SLC39A11: variants seen among roughly 807,000 people sequenced by gnomAD.
SLC39A11 encodes the protein zinc transporter ZIP11.
A neutral mutation model predicts 36.1 loss-of-function variants in SLC39A11; 33 were observed. The observed-to-expected ratio is 0.91, with a 90% confidence interval of 0.69 to 1.22. The LOEUF (loss-of-function observed/expected upper bound fraction) is 1.22. Ranked by LOEUF, SLC39A11 falls within the 50% of genes most tolerant of loss-of-function variation. The probability of loss-of-function intolerance (pLI) is 0.00; values close to 1 mark genes in which losing one functional copy is unlikely to be tolerated. For missense variants in SLC39A11, 432 were observed against 430.3 expected (o/e 1.00, Z -0.03); for synonymous variants, 166 against 170.3 (o/e 0.97, Z 0.20).
chr17:72,878,070 T>C (rs1288098106), intron 5 of SLC39A11, among the ~76,000 whole-genome samples: 1 of 148,946 alleles, frequency 6.7e-6, no homozygotes, highest in Non-Finnish European at 1.5e-5. Flanking sequence ...ACACGCGGTG[T>C]TTGGTTTTTT....
chr17:72,782,048 C>T (rs562033313), intron 6 of SLC39A11, among the ~76,000 whole-genome samples: 53 of 152,138 alleles, frequency 3.5e-4, no homozygotes, highest in African/African-American at 2.7e-4. Context: ...TGGAAAAGGG[C>T]GCCTGGCAGA....
intron 4 of SLC39A11, among the ~76,000 whole-genome samples, chr17:73,001,120 CTCTAAGTT>C (rs1331423711): frequency 6.6e-6 from 1 of 152,130 alleles, no homozygotes; most frequent in Non-Finnish European, 1.5e-5. Context: ...AAGGGCCCTT[CTCTAAGTT>C]TCTAAGTTTT....
At chr17:72,676,556 G>A (rs1051610101) in intron 7 of SLC39A11, among the ~76,000 whole-genome samples, 5 of 152,170 alleles carry the variant, frequency 3.3e-5, no homozygotes, top group Non-Finnish European at 5.9e-5. Context: ...TGCAGAAAGA[G>A]TAAACATAGC....
chr17:72,760,084 T>C lies in SLC39A11; in HGVS notation c.602-23365A>G, dbSNP rs755998960. Among the ~76,000 whole-genome samples the C allele has an allele frequency of 4.6e-5, 7 of 152,238 alleles. No individual in the cohort carries two copies. In the South Asian group the frequency reaches 1.2e-3, roughly 27 times the overall value. On this transcript the variant is annotated intron_variant, in intron 6 of 9. Transcript: ENST00000255559. ...CTCTGTCACCAAAGCTGGAGTGCAG[T>C]GGTGCAATCTCGGCTCACTGCAACC...
In SLC39A11 at chr17:72,769,129, T is replaced by C. The variant is rs140119231; in HGVS notation, c.602-32410A>G. On this transcript the variant is annotated intron_variant, in intron 6 of 9. Coordinates refer to ENST00000255559, the MANE Select transcript of SLC39A11 (RefSeq NM_139177.4). ...GGCCACCCTTCTCTGCTCACCACCCTCTCACAATGGCCTGGAGTTCACTCT... is the reference window on the plus strand; with the variant it reads ...GGCCACCCTTCTCTGCTCACCACCCCCTCACAATGGCCTGGAGTTCACTCT... 6.3e-3 allele frequency among the ~76,000 whole-genome samples: 954 copies of C among 152,216 alleles called. 8 individuals are homozygous for C. Among genetic ancestry groups the C allele is most frequent in the Non-Finnish European group, 0.01 (698 of 68,006 alleles).
At position 72,686,714 on chromosome 17, in the gene SLC39A11, G is replaced by A. The variant is rs565578571; in HGVS notation, c.672-37446C>T. Among the ~76,000 whole-genome samples, 514 of 152,296 alleles carry A rather than the reference G, an allele frequency of 3.4e-3. 3 individuals are homozygous for A. Among genetic ancestry groups the A allele is most frequent in the African/African-American group, 0.012 (491 of 41,550 alleles). On this transcript the variant is annotated intron_variant, in intron 7 of 9. Transcript: ENST00000255559. ...TCCACAGGCAGGAATCAGGGCATAT[G>A]TTCAAGTTTATAAGGGGCCTATGAA...
At chr17:72,967,201 C>A (rs1294346527) in intron 4 of SLC39A11, among the ~76,000 whole-genome samples, 1 of 152,108 alleles carries the variant, frequency 6.6e-6, no homozygotes, top group Non-Finnish European at 1.5e-5. Context: ...GTGTAATATG[C>A]TTGAATCATC....
At chr17:73,038,491 G>C (rs1246997548) in intron 3 of SLC39A11, among the ~76,000 whole-genome samples, 2 of 149,940 alleles carry the variant, frequency 1.3e-5, no homozygotes, top group Non-Finnish European at 3.0e-5. Context: ...CTGAGGTCAG[G>C]AGTTCAAGAC....
chr17:73,036,026 G>A (rs929938955), intron 3 of SLC39A11, among the ~76,000 whole-genome samples: 41 of 152,140 alleles, frequency 2.7e-4, no homozygotes, highest in African/African-American at 9.9e-4. Flanking sequence ...CCAAGATGCT[G>A]AGAAGGCAGG....
intron 4 of SLC39A11, among the ~76,000 whole-genome samples, chr17:72,998,045 C>T (rs150953620): frequency 1.3e-5 from 2 of 152,286 alleles, no homozygotes; most frequent in African/African-American, 4.8e-5. Context: ...AAAATAAATT[C>T]ATGCCAGTTT....
At chr17:72,794,461 C>T (rs930188676) in intron 6 of SLC39A11, among the ~76,000 whole-genome samples, 3 of 152,028 alleles carry the variant, frequency 2.0e-5, no homozygotes, top group Admixed American at 2.0e-4. Flanking sequence ...CTGAAGCCTT[C>T]GTTTCTTCTC....
intron 7 of SLC39A11, among the ~76,000 whole-genome samples, chr17:72,698,884 G>A (rs561502697): frequency 6.6e-6 from 1 of 152,146 alleles, no homozygotes; most frequent in Admixed American, 6.5e-5. Context: ...AGGCTGGAGT[G>A]CAGTGGCGTG....
At chr17:72,866,212 C>T (rs192635624) in intron 5 of SLC39A11, among the ~76,000 whole-genome samples, 47 of 152,272 alleles carry the variant, frequency 3.1e-4, no homozygotes, top group African/African-American at 1.0e-3. Flanking sequence ...CACAGGACCA[C>T]GAACCATATT....
At chr17:72,951,955 C>T (rs974741418) in intron 4 of SLC39A11, among the ~76,000 whole-genome samples, 12 of 152,168 alleles carry the variant, frequency 7.9e-5, no homozygotes, top group South Asian at 4.2e-4. Context: ...TCGGCGTTTT[C>T]GGGGCAGGGA....
At chr17:73,019,830 C>G (rs547055551) in intron 4 of SLC39A11, among the ~76,000 whole-genome samples, 1 of 151,966 alleles carries the variant, frequency 6.6e-6, no homozygotes, top group East Asian at 1.9e-4. Context: ...GACGGAGATC[C>G]TTGGACTAGA....
At chr17:72,739,090 T>C (rs112415363) in intron 6 of SLC39A11, among the ~76,000 whole-genome samples, 12,817 of 151,954 alleles carry the variant, frequency 0.084, 718 homozygotes, top group African/African-American at 0.15. Context: ...CCTGATGGGA[T>C]AGCTGTGATC....
chr17:72,994,714 G>A (rs1395219491), intron 4 of SLC39A11, among the ~76,000 whole-genome samples: 2 of 152,114 alleles, frequency 1.3e-5, no homozygotes, highest in Non-Finnish European at 2.9e-5. Context: ...CTGAGGATAT[G>A]GCCTGACCCG....
chr17:72,785,650 G>T (rs898290895), intron 6 of SLC39A11, among the ~76,000 whole-genome samples: 1 of 152,202 alleles, frequency 6.6e-6, no homozygotes, highest in Non-Finnish European at 1.5e-5. Context: ...AGGGAAGGTG[G>T]AAGGGCTTTA....
intron 6 of SLC39A11, among the ~76,000 whole-genome samples, chr17:72,772,817 C>T (rs1207827902): frequency 2.0e-5 from 3 of 152,190 alleles, no homozygotes; most frequent in Admixed American, 6.5e-5. Flanking sequence ...GGCGCAGTGG[C>T]TCACGCCTGT....
Sources: allele counts gnomAD v4.1 joint callset (sites outside exome capture counted in the v4.1 genomes callset), GRCh38; gene constraint gnomAD v4.1.1; transcripts MANE v1.5; gene names NCBI Gene and HGNC (gene_info 2026-07-23, HGNC 2026-07-21).